The following ADAD1 variants were observed in gnomAD, a reference collection of about 807,000 sequenced individuals.
ADAD1 encodes the protein adenosine deaminase domain-containing protein 1.
A neutral mutation model predicts 66.8 loss-of-function variants in ADAD1; 46 were observed. The observed-to-expected ratio is 0.69, with a 90% CI of 0.54 to 0.88. ADAD1 has a LOEUF of 0.88. Ranked by LOEUF, ADAD1 falls within the 40% of genes least tolerant of loss-of-function variation. ADAD1 has a pLI of 0.00. For synonymous variants in ADAD1, 248 were observed against 229.4 expected, an observed-to-expected ratio of 1.08 and a Z score of -0.73; for missense variants, 617 against 681.8, an observed-to-expected ratio of 0.91 and a Z score of 1.06.
rs939854548 is a variant in ADAD1 at position 122,379,062 on chromosome 4, C to T, written c.-136C>T. On this transcript the variant is annotated 5_prime_UTR_variant, in exon 1 of 13. Transcript: ENST00000296513. ...CAAGCCTTCCCCATGGGCACCTTCT[C>T]AGATTGCGATTGTGGATGAAATGAG... is the stretch of plus-strand genomic sequence containing the variant. 6.6e-6 allele frequency: 1 copy of T among 152,338 alleles called. No individual in the cohort carries two copies. The highest frequency in any genetic ancestry group is 1.5e-5 in the Non-Finnish European group (1 of 68,048). 9.4% of individuals were successfully genotyped at this position (152,338 alleles called of 1,614,324 possible). A position where few individuals can be genotyped will look rare whatever the true frequency, so the allele number is the denominator to read the frequency against.
chr4:122,424,945 TGAA>T (rs1402297761), intron 12 of ADAD1, among the ~76,000 whole-genome samples: 1 of 152,066 alleles, frequency 6.6e-6, no homozygotes, highest in Non-Finnish European at 1.5e-5. Context: ...TAAATATACA[TGAA>T]GAGGAGAAAT....
chr4:122,412,837 C>A, intron 10 of ADAD1, 28 bp downstream of exon 10: 1 of 1,572,214 alleles, frequency 6.4e-7, no homozygotes, highest in Non-Finnish European at 8.7e-7. Context: ...ACCTCCTGGG[C>A]CTCTCACTCA....
intron 7 of ADAD1, among the ~76,000 whole-genome samples, chr4:122,402,527 T>G (rs1005922154): frequency 3.9e-5 from 6 of 152,190 alleles, no homozygotes; most frequent in Admixed American, 3.9e-4. Context: ...CTGCTTATAT[T>G]TGGATGTCTA....
At chr4:122,404,944 T>G (rs1268913209) in intron 7 of ADAD1, among the ~76,000 whole-genome samples, 2 of 152,156 alleles carry the variant, frequency 1.3e-5, no homozygotes, top group Admixed American at 1.3e-4. Context: ...TTTGGTTAAC[T>G]CTTCTTTTTT....
intron 7 of ADAD1, among the ~76,000 whole-genome samples, chr4:122,404,304 A>G (rs1580774321): frequency 6.6e-6 from 1 of 152,188 alleles, no homozygotes; most frequent in South Asian, 2.1e-4. Context: ...TTACTCAAGG[A>G]CCCCTGTGAG....
intron 12 of ADAD1, among the ~76,000 whole-genome samples, chr4:122,425,570 A>G (rs1210329710): frequency 6.6e-6 from 1 of 151,844 alleles, no homozygotes; most frequent in Non-Finnish European, 1.5e-5. Flanking sequence ...TCAACCAACT[A>G]TGGATCGAAA....
chr4:122,393,783 C>T (rs1404893715), intron 6 of ADAD1, 126 bp downstream of exon 6: 6 of 631,810 alleles, frequency 9.5e-6, no homozygotes, highest in Non-Finnish European at 1.4e-5. Context: ...ACCTTTCACA[C>T]TTCTACAAAA....
At chr4:122,416,533 T>C (rs1378543147) in intron 11 of ADAD1, among the ~76,000 whole-genome samples, 2 of 151,924 alleles carry the variant, frequency 1.3e-5, no homozygotes, top group African/African-American at 4.8e-5. Context: ...TCAAGACCAA[T>C]CTGGGAAACA....
At chr4:122,412,485 AG>A in intron 9 of ADAD1, 94 bp from the exon 10 acceptor site, 2 of 980,542 alleles carry the variant, frequency 2.0e-6, no homozygotes, top group South Asian at 3.2e-5. Flanking sequence ...TACACTGGGA[AG>A]TTAAACATGT....
intron 10 of ADAD1, among the ~76,000 whole-genome samples, chr4:122,414,285 G>C (rs1432870599): frequency 6.9e-5 from 7 of 101,450 alleles, no homozygotes; most frequent in African/African-American, 2.6e-4. Context: ...TGGGGGGGGG[G>C]GTACAACTAC....
At chr4:122,390,425 T>C (rs903321371) in intron 5 of ADAD1, among the ~76,000 whole-genome samples, 1 of 152,206 alleles carries the variant, frequency 6.6e-6, no homozygotes, top group African/African-American at 2.4e-5. Context: ...GTTGTGGAAG[T>C]TCTCCTGGAT....
In ADAD1 at chr4:122,412,829, C is replaced by G. The variant is rs1434105952; in HGVS notation, c.1249+20C>G. 6.3e-7 allele frequency: 1 copy of G among 1,591,160 alleles called. No homozygotes were observed. Among genetic ancestry groups the G allele is most frequent in the Non-Finnish European group, 8.6e-7 (1 of 1,161,748 alleles). On this transcript the variant is annotated intron_variant, in intron 10 of 12. Coordinates refer to ENST00000296513, the MANE Select transcript of ADAD1 (RefSeq NM_139243.4). ...TTATTGGTGAGTGGGATTTCAGAAC[C>G]TCCTGGGCCTCTCACTCACTAAGCA...
intron 12 of ADAD1, 150 bp from the exon 13 acceptor site, chr4:122,429,476 T>G: frequency 1.9e-6 from 1 of 533,766 alleles, no homozygotes; most frequent in Non-Finnish European, 3.3e-6. Context: ...GGAAGGAAAT[T>G]TTTTAGCTTC....
chr4:122,408,163 A>G lies in ADAD1; in HGVS notation c.848+132A>G, dbSNP rs559025293. The G allele has an allele frequency of 3.7e-5, 34 of 930,372 alleles. No homozygotes were observed. In the South Asian group the frequency reaches 6.4e-4, roughly 18 times the overall value. The allele number at this position is 930,372 out of a possible 1,614,324, so 57.6% of individuals were successfully genotyped here. ...CAAGGATGTCACATTTTCTTATCTA[A>G]GTCATCGGATTAATTCCATGTCACC... On this transcript the variant is annotated intron_variant, in intron 8 of 12. Transcript: ENST00000296513.
intron 10 of ADAD1, among the ~76,000 whole-genome samples, chr4:122,413,669 G>A (rs1560599781): frequency 6.6e-6 from 1 of 151,744 alleles, no homozygotes; most frequent in Non-Finnish European, 1.5e-5. Flanking sequence ...TTTAAATATA[G>A]TTCGTGGACT....
chr4:122,405,086 A>G (rs1001887483), intron 7 of ADAD1, among the ~76,000 whole-genome samples: 2 of 152,142 alleles, frequency 1.3e-5, no homozygotes, highest in Non-Finnish European at 2.9e-5. Flanking sequence ...CGGAACTTAT[A>G]CTGACACTAT....
At chr4:122,400,373 A>G (rs897039797) in intron 7 of ADAD1, among the ~76,000 whole-genome samples, 5 of 152,094 alleles carry the variant, frequency 3.3e-5, no homozygotes, top group Non-Finnish European at 7.4e-5. Flanking sequence ...ATCATGGTAT[A>G]TGATCTTTTT....
At chr4:122,415,292 C>T in intron 10 of ADAD1, 87 bp from the exon 11 acceptor site, 1 of 1,075,068 alleles carries the variant, frequency 9.3e-7, no homozygotes, top group Non-Finnish European at 1.4e-6. Context: ...GAGAAATGGG[C>T]TTTAGACGAT....
At chr4:122,421,651 T>C (rs1797005794) in intron 12 of ADAD1, among the ~76,000 whole-genome samples, 1 of 152,170 alleles carries the variant, frequency 6.6e-6, no homozygotes, top group Non-Finnish European at 1.5e-5. Flanking sequence ...AAACCTGCTA[T>C]GTCATACCAG....
Sources: gnomAD v4.1 joint callset for allele counts (sites outside exome capture counted in the v4.1 genomes callset) on GRCh38, gnomAD v4.1.1 for gene constraint, MANE v1.5 for transcripts, NCBI Gene and HGNC (gene_info 2026-07-23, HGNC 2026-07-21) for gene names.